Variants in KIF5C observed in about 807,000 individuals in gnomAD.
KIF5C encodes kinesin heavy chain isoform 5C.
Under a neutral mutation model 125.2 loss-of-function variants are expected in KIF5C, and 18 were observed. That is an observed-to-expected ratio of 0.14 (90% CI 0.10 to 0.21). KIF5C has a LOEUF of 0.21. Among genes scored for constraint, KIF5C ranks in the 10% least tolerant of loss-of-function variants. KIF5C has a pLI of 1.00. For missense variants in KIF5C, 780 were observed against 1,183.8 expected (o/e 0.66, Z 5.01); for synonymous variants, 405 against 434.0 (o/e 0.93, Z 0.83).
At position 148,908,029 on chromosome 2, in the gene KIF5C, A is replaced by G. The variant is rs1681185438; in HGVS notation, c.127-14108A>G. Among the ~76,000 whole-genome samples, 6 of 152,262 alleles carry G rather than the reference A, an allele frequency of 3.9e-5. No homozygotes were observed. The South Asian group carries it at 8.3e-4, about 21-fold the overall frequency. Reference sequence around the variant, plus strand: ...CAGCCACTCGGTTGCTTTTGTCACTATTTATGTGAAAAGTTTTGGCTAGCC... The same window carrying G: ...CAGCCACTCGGTTGCTTTTGTCACTGTTTATGTGAAAAGTTTTGGCTAGCC... On this transcript the variant is annotated intron_variant, in intron 1 of 25. Coordinates refer to ENST00000435030, the MANE Select transcript of KIF5C (RefSeq NM_004522.3).
intron 14 of KIF5C, 89 bp downstream of exon 14, chr2:148,981,650 A>G: frequency 6.8e-7 from 1 of 1,463,054 alleles, no homozygotes; most frequent in Non-Finnish European, 9.0e-7. Context: ...TGGTATAAGG[A>G]GGCAGTGGCT....
chr2:148,940,216 C>A (rs1376291559), intron 4 of KIF5C, among the ~76,000 whole-genome samples: 1 of 152,124 alleles, frequency 6.6e-6, no homozygotes, highest in Non-Finnish European at 1.5e-5. Flanking sequence ...GATTGGAGGT[C>A]AGACAGACCC....
chr2:148,934,745 C>T (rs1188498408), intron 3 of KIF5C, among the ~76,000 whole-genome samples: 2 of 151,970 alleles, frequency 1.3e-5, no homozygotes, highest in Non-Finnish European at 2.9e-5. Flanking sequence ...ATCTCACACA[C>T]ATATAACCCC....
intron 12 of KIF5C, among the ~76,000 whole-genome samples, chr2:148,976,399 A>T (rs1289606900): frequency 6.6e-6 from 1 of 151,794 alleles, no homozygotes; most frequent in Admixed American, 6.6e-5. Context: ...CCTCCTGAGT[A>T]GCTGGGACTA....
Position 148,994,546 on chromosome 2 carries a change from T to A in KIF5C, c.2023+8T>A, listed in dbSNP as rs1228887814. On this transcript the variant is annotated splice_region_variant and intron_variant, in intron 17 of 25. Coordinates refer to ENST00000435030, the MANE Select transcript of KIF5C (RefSeq NM_004522.3). ...CAAAGCTCCGAGCCCAGGGTAAATA[T>A]TTGACTAACGTGCAGGTGTCAAACA... The A allele has an allele frequency of 1.9e-6, 3 of 1,555,106 alleles. No individual in the cohort carries two copies. The East Asian group carries it at 7.3e-5, about 38-fold the overall frequency.
chr2:148,980,134 A>G (rs1681189760), intron 13 of KIF5C, among the ~76,000 whole-genome samples: 1 of 151,874 alleles, frequency 6.6e-6, no homozygotes, highest in Non-Finnish European at 1.5e-5. Context: ...GTTCCCTTTC[A>G]TCTCTTTAGG....
chr2:148,934,853 T>G (rs1051405814), intron 3 of KIF5C, among the ~76,000 whole-genome samples: 1 of 150,998 alleles, frequency 6.6e-6, no homozygotes, highest in African/African-American at 2.4e-5. Context: ...CACAGACATA[T>G]ACTACACACA....
chr2:148,932,391 T>G (rs1344712708), intron 3 of KIF5C, among the ~76,000 whole-genome samples: 3 of 152,174 alleles, frequency 2.0e-5, no homozygotes, highest in Non-Finnish European at 2.9e-5. Context: ...TACATAAAAT[T>G]GGAAATATTA....
chr2:148,951,583 T>C (rs558678358), intron 10 of KIF5C, among the ~76,000 whole-genome samples: 4 of 152,180 alleles, frequency 2.6e-5, no homozygotes, highest in Non-Finnish European at 4.4e-5. Flanking sequence ...GTTCTGTGGA[T>C]TGGGCGATCT....
Position 148,875,573 on chromosome 2 carries a change from C to CA in KIF5C, c.-45_-44insA. The CA allele has an allele frequency of 5.5e-6, 4 of 723,612 alleles. No individual in the cohort carries two copies. Among genetic ancestry groups the CA allele is most frequent in the South Asian group, 4.5e-5 (3 of 66,082 alleles). The allele number at this position is 723,612 out of a possible 1,614,324, so 44.8% of individuals were successfully genotyped here. A position where few individuals can be genotyped will look rare whatever the true frequency, so the allele number is the denominator to read the frequency against. ...CCTCCTCCCTCGTCGTTCCCGGCCC[C>CA]GGCCCCCCACCCATCCCCGTGCCCC... On this transcript the variant is annotated 5_prime_UTR_variant, in exon 1 of 26. Transcript: ENST00000435030.
chr2:148,906,734 G>A (rs1681123149), intron 1 of KIF5C, among the ~76,000 whole-genome samples: 1 of 151,030 alleles, frequency 6.6e-6, no homozygotes, highest in South Asian at 2.1e-4. Context: ...GTGTGGTGGT[G>A]CATGCCTGTA....
At chr2:148,983,541 T>C (rs1681291548) in intron 14 of KIF5C, 79 bp from the exon 15 acceptor site, 2 of 1,430,728 alleles carry the variant, frequency 1.4e-6, no homozygotes, top group Admixed American at 2.6e-5. Flanking sequence ...TTCTACATGA[T>C]GGTGTTATTC....
chr2:148,903,155 C>T (rs550041712), intron 1 of KIF5C, among the ~76,000 whole-genome samples: 33 of 152,160 alleles, frequency 2.2e-4, no homozygotes, highest in African/African-American at 7.7e-4. Flanking sequence ...ATAGTCCTAC[C>T]CTAGATTTCA....
In KIF5C at chr2:148,897,918, CAAAAAAAAAAAAAAAAAAAA is replaced by C. The variant is rs55762538; in HGVS notation, c.126+22196_126+22215del. Among the ~76,000 whole-genome samples the C allele has an allele frequency of 3.8e-3, 78 of 20,454 alleles. 1 individual carries two copies. Among genetic ancestry groups the C allele is most frequent in the South Asian group, 0.014 (5 of 362 alleles). The allele number at this position is 20,454 out of a possible 152,430, so 13.4% of individuals were successfully genotyped here. On this transcript the variant is annotated intron_variant, in intron 1 of 25. Coordinates refer to ENST00000435030, the MANE Select transcript of KIF5C (RefSeq NM_004522.3). The stretch of plus-strand genomic sequence containing the variant: ...TGGCTGACAGAGTAAGACTCAGTCT[CAAAAAAAAAAAAAAAAAAAA>C]AAAAAAAAAAAAAAAAAAAATCATC...
chr2:148,900,530 T>A (rs1680853552), intron 1 of KIF5C, among the ~76,000 whole-genome samples: 1 of 152,214 alleles, frequency 6.6e-6, no homozygotes, highest in East Asian at 1.9e-4. Flanking sequence ...GAATGGCTCT[T>A]TCTCATCCCA....
intron 4 of KIF5C, among the ~76,000 whole-genome samples, chr2:148,937,599 T>C (rs1682319626): frequency 6.6e-6 from 1 of 152,208 alleles, no homozygotes; most frequent in Non-Finnish European, 1.5e-5. Flanking sequence ...AAGCCTTCTT[T>C]AGGAGGAAAT....
intron 21 of KIF5C, among the ~76,000 whole-genome samples, chr2:149,004,159 A>G (rs774149426): frequency 1.4e-4 from 21 of 152,238 alleles, no homozygotes; most frequent in Non-Finnish European, 2.2e-4. Flanking sequence ...CGAGGACACA[A>G]TTGACTTCAG....
intron 1 of KIF5C, among the ~76,000 whole-genome samples, chr2:148,904,445 T>C (rs1681024161): frequency 6.6e-6 from 1 of 152,240 alleles, no homozygotes. Context: ...AGCACATATA[T>C]GAGGAGTGTC....
chr2:149,018,052 G>C (rs1037816745), intron 25 of KIF5C, among the ~76,000 whole-genome samples: 2 of 152,158 alleles, frequency 1.3e-5, no homozygotes, highest in Admixed American at 6.5e-5. Flanking sequence ...ACTCTGAGAG[G>C]CTGAGGCAGC....
Sources: allele counts gnomAD v4.1 joint callset (sites outside exome capture counted in the v4.1 genomes callset), GRCh38; gene constraint gnomAD v4.1.1; transcripts MANE v1.5; gene names NCBI Gene and HGNC (gene_info 2026-07-23, HGNC 2026-07-21).